UBN2: variants seen among roughly 807,000 people sequenced by gnomAD.
UBN2 encodes ubinuclein 2, also known as ubinuclein-2.
UBN2 carries 35 observed loss-of-function variants against 120.2 expected under a neutral mutation model. The ratio of observed to expected loss-of-function variants is 0.29; its 90% CI spans 0.22 to 0.39. The LOEUF (loss-of-function observed/expected upper bound fraction) is 0.39. UBN2 is among the 10% of genes least tolerant of loss of function. The pLI is 1.00. For missense variants in UBN2, 1,693 were observed against 1,663.2 expected (o/e 1.02, Z -0.31); for synonymous variants, 661 against 648.7 (o/e 1.02, Z -0.29).
At position 139,277,982 on chromosome 7, in the gene UBN2, A is replaced by G. The variant is rs892344471; in HGVS notation, c.2025-1336A>G. Among the ~76,000 whole-genome samples the G allele has an allele frequency of 3.9e-5, 6 of 152,168 alleles. No individual in the cohort carries two copies. The South Asian group carries it at 8.3e-4, about 21-fold the overall frequency. On this transcript the variant is annotated intron_variant, in intron 12 of 17. Transcript: ENST00000473989. ...AGTTATGTGAATGTGGTTTATCTCT[A>G]TTTCTGGAATTTTCCATTTAATATT...
At chr7:139,327,682 G>T in the UBN2 span, among the ~76,000 whole-genome samples, 1 of 152,148 alleles carries the variant, frequency 6.6e-6, no homozygotes, top group Non-Finnish European at 1.5e-5. Context: ...TCCAACATAT[G>T]AACTTTGGGG....
chr7:139,251,315 C>T lies in UBN2; in HGVS notation c.562-641C>T, dbSNP rs117923394. 2.7e-3 allele frequency among the ~76,000 whole-genome samples: 413 copies of T among 152,296 alleles called. 6 individuals are homozygous for T. In the East Asian group the frequency reaches 0.037, roughly 14 times the overall value. ...ATCTTGCAATGTTGTTGACATCTTG[C>T]AATTTGTATGTTTGTTACAGCTAAG... On this transcript the variant is annotated intron_variant, in intron 2 of 17. Transcript: ENST00000473989.
intron 2 of UBN2, among the ~76,000 whole-genome samples, chr7:139,246,664 G>A (rs1796478627): frequency 6.6e-6 from 1 of 152,138 alleles, no homozygotes; most frequent in African/African-American, 2.4e-5. Flanking sequence ...TCATGATACG[G>A]AACAATTGCA....
chr7:139,326,425 G>A, the UBN2 span, among the ~76,000 whole-genome samples: 1 of 152,126 alleles, frequency 6.6e-6, no homozygotes, highest in African/African-American at 2.4e-5. Context: ...AAAGCAGCAG[G>A]TCCAGTCCCC....
At chr7:139,288,028 G>C (rs1360198524) in intron 15 of UBN2, among the ~76,000 whole-genome samples, 1 of 152,138 alleles carries the variant, frequency 6.6e-6, no homozygotes, top group African/African-American at 2.4e-5. Flanking sequence ...CCACACAGGG[G>C]TTTCCTCCTC....
In UBN2 at chr7:139,269,459, C is replaced by T; in HGVS notation, c.1532C>T (p.Ala511Val). The T allele has an allele frequency of 6.2e-7, 1 of 1,614,126 alleles. No homozygotes were observed. The highest frequency in any genetic ancestry group is 8.5e-7 in the Non-Finnish European group (1 of 1,180,004). Residue 511 changes from alanine to valine, a missense_variant, in exon 8 of 18, where the codon GCT becomes GTT. Physicochemically the swap from Ala to Val is moderately conservative, Grantham distance 64. Transcript: ENST00000473989. ...IRSGVYSHLE[A>V]FVPCNKETLV... ...AGTGGTGTCTACTCCCACCTTGAAG[C>T]TTTTGTGCCATGCAATAAAGAAACA... is the stretch of plus-strand genomic sequence containing the variant.
intron 5 of UBN2, 77 bp downstream of exon 5, chr7:139,259,447 A>G (rs1796865869): frequency 1.3e-6 from 2 of 1,556,498 alleles, no homozygotes; most frequent in Non-Finnish European, 1.7e-6. Flanking sequence ...TATACTTACC[A>G]TTAACTAATT....
chr7:139,264,448 A>T (rs1367887039), intron 6 of UBN2, among the ~76,000 whole-genome samples: 2 of 152,218 alleles, frequency 1.3e-5, no homozygotes, highest in Non-Finnish European at 2.9e-5. Flanking sequence ...ACAGAGTCAT[A>T]GAGTCTGTCT....
At chr7:139,292,230 T>A (rs1485433611) in intron 15 of UBN2, among the ~76,000 whole-genome samples, 1 of 152,112 alleles carries the variant, frequency 6.6e-6, no homozygotes, top group Non-Finnish European at 1.5e-5. Flanking sequence ...CACTCCAGCG[T>A]GGGCAACAGG....
rs1797338766 is a variant in UBN2, at chr7:139,273,162, T to C, written c.1716-135T>C. On this transcript the variant is annotated intron_variant, in intron 9 of 17. Coordinates refer to ENST00000473989, the MANE Select transcript of UBN2 (RefSeq NM_173569.4). Reference sequence around the variant, plus strand: ...ATAACTCCTTTCAAATTTGAAGTATTATGTGGAAAGGTAGATTCCGTCTTT... The same window carrying C: ...ATAACTCCTTTCAAATTTGAAGTATCATGTGGAAAGGTAGATTCCGTCTTT... The C allele has an allele frequency of 6.1e-6, 3 of 488,108 alleles. No individual in the cohort carries two copies. In the South Asian group the frequency reaches 1.8e-4, roughly 30 times the overall value. The allele number at this position is 488,108 out of a possible 1,614,324, so 30.2% of individuals were successfully genotyped here.
At chr7:139,292,168 C>T (rs1322504714) in intron 15 of UBN2, among the ~76,000 whole-genome samples, 1 of 152,066 alleles carries the variant, frequency 6.6e-6, no homozygotes, top group Non-Finnish European at 1.5e-5. Context: ...GTGAGAGGAT[C>T]ACTTGAGCCT....
rs760217832 is a variant in UBN2, at chr7:139,304,619, A to G, written c.*6783A>G. The G allele has an allele frequency of 3.3e-5, 5 of 151,894 alleles. No homozygotes were observed. The highest frequency in any genetic ancestry group is 7.4e-5 in the Non-Finnish European group (5 of 68,026). 9.4% of individuals were successfully genotyped at this position (151,894 alleles called of 1,614,324 possible). On this transcript the variant is annotated 3_prime_UTR_variant, in exon 18 of 18. Coordinates refer to ENST00000473989, the MANE Select transcript of UBN2 (RefSeq NM_173569.4). Reference sequence around the variant, plus strand: ...GAACCAGTGTTACCAGGTTCAAGTGAGTTAGTAGAAAGCACCAGGTCCAAG... The same window carrying G: ...GAACCAGTGTTACCAGGTTCAAGTGGGTTAGTAGAAAGCACCAGGTCCAAG...
intron 2 of UBN2, among the ~76,000 whole-genome samples, chr7:139,248,219 G>A (rs1366370803): frequency 6.6e-6 from 1 of 152,112 alleles, no homozygotes; most frequent in African/African-American, 2.4e-5. Flanking sequence ...CAAATAAGAT[G>A]AAGAGTTTTA....
At chr7:139,269,723 G>A (rs1471216958) in intron 8 of UBN2, among the ~76,000 whole-genome samples, 200 bp downstream of exon 8, 2 of 152,110 alleles carry the variant, frequency 1.3e-5, no homozygotes, top group Non-Finnish European at 2.9e-5. Context: ...GATGAGAAAT[G>A]TTTTCTACGG....
intron 6 of UBN2, among the ~76,000 whole-genome samples, chr7:139,262,230 T>C (rs1796960434): frequency 6.6e-6 from 1 of 152,020 alleles, no homozygotes; most frequent in Non-Finnish European, 1.5e-5. Context: ...CTCCCAAATA[T>C]CTGGGATTAC....
chr7:139,315,819 G>A, the UBN2 span, among the ~76,000 whole-genome samples: 2 of 152,242 alleles, frequency 1.3e-5, no homozygotes, highest in East Asian at 3.9e-4. Flanking sequence ...GCTCACACCT[G>A]TAATCTCAGC....
chr7:139,269,310 A>C (rs1241133895), intron 7 of UBN2, 84 bp from the exon 8 acceptor site: 1 of 1,375,664 alleles, frequency 7.3e-7, no homozygotes, highest in African/African-American at 1.5e-5. Context: ...AAATGAGAAC[A>C]AGAACTGGCT....
chr7:139,272,341 C>G lies in UBN2; in HGVS notation c.1616C>G (p.Pro539Arg). The change falls in exon 9 of 18, where the codon CCT becomes CGT. Residue 539 changes from proline (P) to arginine (R), a missense_variant. By Grantham distance (103) the Pro-to-Arg change is moderately radical. Coordinates refer to ENST00000473989, the MANE Select transcript of UBN2 (RefSeq NM_173569.4). The part of the protein sequence containing the change: ...LNVQDDRLRE[P>R]LQKLKLAVSN... ...TTTTAGGATGATCGTTTAAGAGAAC[C>G]TCTGCAAAAACTGAAACTGGCTGTT... is the stretch of plus-strand genomic sequence containing the variant. The G allele has an allele frequency of 1.2e-6, 2 of 1,611,516 alleles. No individual in the cohort carries two copies. Among genetic ancestry groups the G allele is most frequent in the Non-Finnish European group, 1.7e-6 (2 of 1,179,208 alleles).
chr7:139,234,915 A>G (rs1769716093), intron 1 of UBN2, among the ~76,000 whole-genome samples: 2 of 152,164 alleles, frequency 1.3e-5, no homozygotes, highest in Admixed American at 6.5e-5. Flanking sequence ...AAATTATTGC[A>G]TCAGTTTTGC....
Sources: gnomAD v4.1 joint callset for allele counts (sites outside exome capture counted in the v4.1 genomes callset) on GRCh38, gnomAD v4.1.1 for gene constraint, MANE v1.5 for transcripts, NCBI Gene and HGNC (gene_info 2026-07-23, HGNC 2026-07-21) for gene names.